The following SLC9A9 variants were observed in gnomAD, a reference collection of about 807,000 sequenced individuals.
SLC9A9 encodes the protein solute carrier family 9 member A9, also known as sodium/hydrogen exchanger 9.
SLC9A9 carries 62 observed loss-of-function variants against 77.8 expected under a neutral mutation model. The ratio of observed to expected loss-of-function variants is 0.80; its 90% CI spans 0.65 to 0.98. The LOEUF is 0.98. Among genes scored for constraint, SLC9A9 ranks in the 50% least tolerant of loss-of-function variants. The pLI, the probability that SLC9A9 is intolerant of heterozygous loss-of-function variation, is 0.00. For synonymous variants in SLC9A9, 320 were observed against 283.5 expected (o/e 1.13, Z -1.29); for missense variants, 775 against 774.9 (o/e 1.00, Z 0.00).
chr3:143,585,046 C>CT (rs1263642837), intron 6 of SLC9A9, among the ~76,000 whole-genome samples: 1 of 152,090 alleles, frequency 6.6e-6, no homozygotes, highest in East Asian at 1.9e-4. Context: ...TGGTCTCAGT[C>CT]TTTTTGCTGC....
intron 14 of SLC9A9, among the ~76,000 whole-genome samples, chr3:143,302,021 G>A (rs2108428607): frequency 6.6e-6 from 1 of 152,322 alleles, no homozygotes; most frequent in African/African-American, 2.4e-5. Flanking sequence ...TAGGAAGAGT[G>A]AGAGGGTTGG....
intron 9 of SLC9A9, among the ~76,000 whole-genome samples, chr3:143,524,628 G>A (rs1490083879): frequency 6.6e-6 from 1 of 152,096 alleles, no homozygotes; most frequent in Non-Finnish European, 1.5e-5. Context: ...CTATCATTAT[G>A]ACTAATTTGT....
intron 2 of SLC9A9, among the ~76,000 whole-genome samples, chr3:143,810,871 C>T (rs2008846668): frequency 6.6e-6 from 1 of 152,118 alleles, no homozygotes; most frequent in Admixed American, 6.6e-5. Context: ...AAAGGGAAGA[C>T]GCTGTATAAT....
At chr3:143,567,978 T>C (rs1321181463) in intron 8 of SLC9A9, among the ~76,000 whole-genome samples, 1 of 152,194 alleles carries the variant, frequency 6.6e-6, no homozygotes, top group African/African-American at 2.4e-5. Context: ...TTATACAATT[T>C]CTTTTGTTGA....
intron 5 of SLC9A9, among the ~76,000 whole-genome samples, chr3:143,691,180 A>G (rs1480990781): frequency 1.2e-4 from 18 of 152,136 alleles, no homozygotes. Context: ...CAGCCTCCCA[A>G]GTAGCTATAG....
intron 1 of SLC9A9, among the ~76,000 whole-genome samples, chr3:143,847,192 G>A (rs1379555982): frequency 1.3e-5 from 2 of 152,144 alleles, no homozygotes; most frequent in Non-Finnish European, 2.9e-5. Context: ...CCAAAATGAG[G>A]AAACCCCAAA....
intron 4 of SLC9A9, among the ~76,000 whole-genome samples, chr3:143,739,679 C>A (rs974640425): frequency 6.6e-6 from 1 of 152,192 alleles, no homozygotes; most frequent in African/African-American, 2.4e-5. Flanking sequence ...TGCCTTCAGG[C>A]AATGATATTT....
intron 6 of SLC9A9, among the ~76,000 whole-genome samples, chr3:143,579,589 A>G (rs1294467948): frequency 6.6e-6 from 1 of 152,208 alleles, no homozygotes; most frequent in South Asian, 2.1e-4. Flanking sequence ...TAGGGAGACT[A>G]ATGAAATGAC....
At chr3:143,758,191 A>C (rs1156834783) in intron 4 of SLC9A9, among the ~76,000 whole-genome samples, 1 of 152,156 alleles carries the variant, frequency 6.6e-6, no homozygotes, top group African/African-American at 2.4e-5. Context: ...GCCCACACTA[A>C]CCCAAGGTTG....
chr3:143,380,760 T>C (rs2033284011), intron 13 of SLC9A9, among the ~76,000 whole-genome samples: 1 of 152,218 alleles, frequency 6.6e-6, no homozygotes, highest in Non-Finnish European at 1.5e-5. Flanking sequence ...GCCAGGATCA[T>C]CACCAACTTA....
chr3:143,330,163 AGAG>A (rs1385697309), intron 14 of SLC9A9, among the ~76,000 whole-genome samples: 1 of 152,198 alleles, frequency 6.6e-6, no homozygotes, highest in African/African-American at 2.4e-5. Context: ...GGAGCAGTGA[AGAG>A]GAGATCATTT....
chr3:143,627,397 T>C (rs758417240), intron 6 of SLC9A9: 16 of 220,022 alleles, frequency 7.3e-5, no homozygotes, highest in Non-Finnish European at 1.3e-4. Flanking sequence ...AAAAAGAACA[T>C]AGAGACTCTG....
At chr3:143,665,774 T>C (rs1002312770) in intron 5 of SLC9A9, among the ~76,000 whole-genome samples, 5 of 152,150 alleles carry the variant, frequency 3.3e-5, no homozygotes, top group African/African-American at 1.2e-4. Context: ...CTCTCAAGAC[T>C]AAACCAGGAA....
intron 4 of SLC9A9, among the ~76,000 whole-genome samples, chr3:143,724,937 A>T (rs1380761053): frequency 6.6e-6 from 1 of 152,122 alleles, no homozygotes; most frequent in Non-Finnish European, 1.5e-5. Context: ...AGCCATGAAA[A>T]CCAGGACACA....
At chr3:143,654,852 C>T (rs2038861734) in intron 5 of SLC9A9, among the ~76,000 whole-genome samples, 1 of 152,172 alleles carries the variant, frequency 6.6e-6, no homozygotes, top group African/African-American at 2.4e-5. Context: ...GAAGACTCTA[C>T]ACCTGTCTAA....
intron 14 of SLC9A9, among the ~76,000 whole-genome samples, chr3:143,326,413 G>A (rs2031603863): frequency 6.6e-6 from 1 of 152,102 alleles, no homozygotes; most frequent in Non-Finnish European, 1.5e-5. Context: ...TGCGTGATCT[G>A]TCTGCCTCAT....
intron 4 of SLC9A9, among the ~76,000 whole-genome samples, chr3:143,710,397 A>G (rs373024677): frequency 4.5e-4 from 68 of 152,248 alleles, no homozygotes; most frequent in African/African-American, 1.6e-3. Context: ...AGGTGAATAA[A>G]ATTGAGACCC....
intron 12 of SLC9A9, among the ~76,000 whole-genome samples, chr3:143,464,222 G>A (rs1025540199): frequency 5.3e-5 from 8 of 152,168 alleles, no homozygotes; most frequent in Admixed American, 1.3e-4. Flanking sequence ...TGTTTTTGGA[G>A]AAGAGTCTGA....
At chr3:143,582,767 T>C (rs1290977823) in intron 6 of SLC9A9, among the ~76,000 whole-genome samples, 1 of 152,234 alleles carries the variant, frequency 6.6e-6, no homozygotes, top group Non-Finnish European at 1.5e-5. Flanking sequence ...GTCAGGAGAC[T>C]CAGCTTGAGT....
Sources: gnomAD v4.1 joint callset for allele counts (sites outside exome capture counted in the v4.1 genomes callset) on GRCh38, gnomAD v4.1.1 for gene constraint, MANE v1.5 for transcripts, NCBI Gene and HGNC (gene_info 2026-07-23, HGNC 2026-07-21) for gene names.